Variants in MVK observed in about 807,000 individuals in gnomAD.
MVK encodes LH receptor mRNA-binding protein.
In MVK, 34 loss-of-function variants were observed where a neutral mutation model predicts 43.2. That is an observed-to-expected ratio of 0.79 (90% confidence interval 0.60 to 1.05). The LOEUF is 1.05. Ranked by LOEUF, MVK falls within the 50% of genes least tolerant of loss-of-function variation. MVK has a pLI of 0.00. For missense variants in MVK, 395 were observed against 504.0 expected, an observed-to-expected ratio of 0.78 and a Z score of 2.07; for synonymous variants, 190 against 219.8, an observed-to-expected ratio of 0.86 and a Z score of 1.20.
intron 7 of MVK, chr12:109,587,213 C>T (rs1055935046): frequency 1.8e-4 from 49 of 266,608 alleles, no homozygotes; most frequent in African/African-American, 9.8e-4. Context: ...TGGGGCCAGA[C>T]ACACACAAAA....
Position 109,586,683 on chromosome 12 carries a change from A to G in MVK, c.632-71A>G, listed in dbSNP as rs104895346. The G allele has an allele frequency of 2.5e-6, 4 of 1,570,656 alleles. No homozygotes were observed. The highest frequency in any genetic ancestry group is 2.7e-5 in the African/African-American group (2 of 74,084). On this transcript the variant is annotated intron_variant, in intron 6 of 10. Transcript: ENST00000228510. Reference sequence around the variant, plus strand: ...GCAAAATGAACCCAACCCAAAGTTCAACCTCTCTCCCAAGTAGCACAGATA... The same window carrying G: ...GCAAAATGAACCCAACCCAAAGTTCGACCTCTCTCCCAAGTAGCACAGATA...
At chr12:109,587,047 G>A (rs749855228) in intron 7 of MVK, 119 of 531,492 alleles carry the variant, frequency 2.2e-4, no homozygotes, top group South Asian at 1.8e-3. Context: ...GGCTGTGCCC[G>A]TAGACTCTCA....
At chr12:109,591,440 G>C in intron 9 of MVK, 83 bp downstream of exon 9, 1 of 1,325,988 alleles carries the variant, frequency 7.5e-7, no homozygotes, top group Non-Finnish European at 1.1e-6. Context: ...GCTGTGCTCA[G>C]AATCCCCCGG....
Position 109,579,954 on chromosome 12 carries a change from C to T in MVK, c.371+8C>T, listed in dbSNP as rs67886029. 0.072 allele frequency: 115,847 copies of T among 1,614,022 alleles called. 4,706 individuals carry two copies. Among genetic ancestry groups the T allele is most frequent in the Middle Eastern group, 0.091 (552 of 6,058 alleles). The stretch of plus-strand genomic sequence containing the variant: ...CATCTGCCGGAAGCAGAGGTGTGTG[C>T]GTGGTCTGGGGAAGGAGTCCAGATT... On this transcript the variant is annotated splice_region_variant and intron_variant, in intron 4 of 10. Coordinates refer to ENST00000228510, the MANE Select transcript of MVK (RefSeq NM_000431.4).
intron 10 of MVK, 151 bp from the exon 11 acceptor site, chr12:109,596,275 G>A: frequency 4.5e-6 from 5 of 1,110,984 alleles, no homozygotes; most frequent in Non-Finnish European, 6.6e-6. Flanking sequence ...CGGAGGGGCT[G>A]CAGGTAACCT....
At chr12:109,585,978 C>G in intron 5 of MVK, 44 bp from the exon 6 acceptor site, 2 of 1,550,744 alleles carry the variant, frequency 1.3e-6, no homozygotes, top group South Asian at 1.1e-5. Flanking sequence ...CTCCCCAGCC[C>G]CACTCCTCAC....
At chr12:109,580,917 G>C (rs1193204859) in intron 4 of MVK, among the ~76,000 whole-genome samples, 1 of 152,104 alleles carries the variant, frequency 6.6e-6, no homozygotes, top group Non-Finnish European at 1.5e-5. Flanking sequence ...GGCAGGCGGG[G>C]GTCCTAGAAG....
Position 109,576,047 on chromosome 12 carries a change from C to T in MVK, c.128C>T (p.Pro43Leu). 1 of 1,614,160 alleles carries T rather than the reference C, an allele frequency of 6.2e-7. No homozygotes were observed. The highest frequency in any genetic ancestry group is 8.5e-7 in the Non-Finnish European group (1 of 1,179,998). Residue 43 changes from proline to leucine, a missense_variant, in exon 3 of 11, where the codon CCC becomes CTC. Transcript: ENST00000228510. ...LNLRTFLRLQ[P>L]HSNGKVDLSL... is the part of the protein sequence containing the mutation. ...TTGAGAACATTCCTCCGGCTTCAACCCCACAGCAATGGGAAAGTGGACCTC... is the reference window on the plus strand; with the variant it reads ...TTGAGAACATTCCTCCGGCTTCAACTCCACAGCAATGGGAAAGTGGACCTC...
At chr12:109,579,689 G>C in intron 3 of MVK, 113 bp from the exon 4 acceptor site, 1 of 1,417,736 alleles carries the variant, frequency 7.1e-7, no homozygotes, top group Non-Finnish European at 9.9e-7. Flanking sequence ...CCATAAATTC[G>C]TGTCCATCCA....
upstream of MVK, chr12:109,573,735 C>A (rs1390586610): frequency 1.8e-6 from 1 of 553,894 alleles, no homozygotes; most frequent in Non-Finnish European, 3.3e-6. Context: ...GTACTCCGGG[C>A]TCGCGCGCTC....
chr12:109,583,922 C>A (rs537758399), intron 5 of MVK, among the ~76,000 whole-genome samples: 1 of 152,324 alleles, frequency 6.6e-6, no homozygotes, highest in South Asian at 2.1e-4. Flanking sequence ...TAGTCACAGG[C>A]ACATAGCAGT....
chr12:109,591,709 G>A (rs1186675415), intron 9 of MVK, among the ~76,000 whole-genome samples: 1 of 152,244 alleles, frequency 6.6e-6, no homozygotes, highest in Non-Finnish European at 1.5e-5. Context: ...GTGCAGGGGT[G>A]ACTTCTTGGT....
intron 7 of MVK, chr12:109,587,217 C>T (rs894643616): frequency 3.8e-6 from 1 of 261,234 alleles, no homozygotes; most frequent in East Asian, 8.4e-5. Context: ...GCCAGACACA[C>T]ACAAAAGCCG....
At chr12:109,583,964 G>A (rs140452596) in intron 5 of MVK, among the ~76,000 whole-genome samples, 1 of 152,336 alleles carries the variant, frequency 6.6e-6, no homozygotes, top group Non-Finnish European at 1.5e-5. Context: ...ATAAGTGAGT[G>A]TATCTTGTTG....
chr12:109,587,046 CG>C, intron 7 of MVK: 1 of 532,726 alleles, frequency 1.9e-6, no homozygotes, highest in Non-Finnish European at 3.4e-6. Flanking sequence ...TGGCTGTGCC[CG>C]TAGACTCTCA....
intron 7 of MVK, chr12:109,587,084 T>G (rs1309457254): frequency 4.4e-6 from 2 of 455,046 alleles, no homozygotes; most frequent in South Asian, 4.3e-5. Context: ...TTCCTGTATT[T>G]GCTTAGTAAA....
chr12:109,574,621 C>T (rs961012957), intron 1 of MVK, among the ~76,000 whole-genome samples, 188 bp from the exon 2 acceptor site: 1 of 152,226 alleles, frequency 6.6e-6, no homozygotes, highest in South Asian at 2.1e-4. Flanking sequence ...GAAGAGCTGG[C>T]ATTTGAACCC....
At chr12:109,573,503 C>G (rs1884753030), upstream of MVK, 1 of 1,586,818 alleles carries the variant, frequency 6.3e-7, no homozygotes, top group Admixed American at 1.7e-5. Flanking sequence ...TTGACGGGAC[C>G]TGACCCCGCC....
Position 109,575,845 on chromosome 12 carries a change from G to T in MVK, c.79-153G>T, listed in dbSNP as rs72646992. 1.9e-3 allele frequency among the ~76,000 whole-genome samples: 290 copies of T among 152,350 alleles called. 1 individual carries two copies. The highest frequency in any genetic ancestry group is 2.7e-3 in the Non-Finnish European group (181 of 68,034). The stretch of plus-strand genomic sequence containing the variant: ...TCGATGGTGGCTGTTCCCAGGCTTA[G>T]TGGGAGAGCATGCCAAGGTTGATTA... On this transcript the variant is annotated intron_variant, in intron 2 of 10. Coordinates refer to ENST00000228510, the MANE Select transcript of MVK (RefSeq NM_000431.4).
Sources: gnomAD v4.1 joint callset for allele counts (sites outside exome capture counted in the v4.1 genomes callset) on GRCh38, gnomAD v4.1.1 for gene constraint, MANE v1.5 for transcripts, NCBI Gene and HGNC (gene_info 2026-07-23, HGNC 2026-07-21) for gene names.